Variants in ANKRD46 observed in about 807,000 individuals in gnomAD.
ANKRD46 encodes ankyrin repeat domain 46.
A neutral mutation model predicts 19.8 loss-of-function variants in ANKRD46; 13 were observed. That is an observed-to-expected ratio of 0.66 (90% CI 0.43 to 1.04). The LOEUF (loss-of-function observed/expected upper bound fraction) is 1.04. ANKRD46 is among the 50% of genes least tolerant of loss of function. The pLI, the probability that ANKRD46 is intolerant of heterozygous loss-of-function variation, is 0.00. For missense variants in ANKRD46, 185 were observed against 274.8 expected (o/e 0.67, Z 2.31); for synonymous variants, 91 against 106.9 (o/e 0.85, Z 0.92).
At chr8:100,528,534 T>TTA (rs1811890371) in intron 3 of ANKRD46, among the ~76,000 whole-genome samples, 1 of 150,660 alleles carries the variant, frequency 6.6e-6, no homozygotes, top group South Asian at 2.1e-4. Context: ...TTTTTTTTTT[T>TTA]ACTTCCAGGG....
intron 1 of ANKRD46, chr8:100,551,827 G>A (rs1225997625): frequency 7.8e-6 from 3 of 385,626 alleles, no homozygotes; most frequent in Non-Finnish European, 1.5e-5. Flanking sequence ...GTGTATTTTG[G>A]ATAACAGTCT....
rs1241927093 is a variant in ANKRD46 at position 100,551,736 on chromosome 8, G to GAGA, written c.-131+7972_-131+7974dup. Reference sequence around the variant, plus strand: ...CATGATGTCTTAGAGACATGGCTTTGAGAAGAGGATGGTCAGCACTGAGTG... The same window carrying GAGA: ...CATGATGTCTTAGAGACATGGCTTTGAGAAGAAGAGGATGGTCAGCACTGAGTG... On this transcript the variant is annotated intron_variant, in intron 1 of 4. Transcript: ENST00000335659. 5 of 569,992 alleles carry GAGA rather than the reference G, an allele frequency of 8.8e-6. No homozygotes were observed. The East Asian group carries it at 1.9e-4, about 22-fold the overall frequency. 35.3% of individuals were successfully genotyped at this position (569,992 alleles called of 1,614,324 possible).
In ANKRD46 at chr8:100,521,086, TC is replaced by T. The variant is rs1369379470; in HGVS notation, c.*1468del. On this transcript the variant is annotated 3_prime_UTR_variant, in exon 5 of 5. Coordinates refer to ENST00000335659, the MANE Select transcript of ANKRD46 (RefSeq NM_001270377.2). ...CTAAAAGCAAGACTCTGCAAGCTGA[TC>T]CTGAAGCAGCCAGTTACTCAGGAAT... 1 of 985,028 alleles carries T rather than the reference TC, an allele frequency of 1.0e-6. No homozygotes were observed. Among genetic ancestry groups the T allele is most frequent in the Non-Finnish European group, 1.2e-6 (1 of 829,910 alleles). The allele number at this position is 985,028 out of a possible 1,614,324, so 61.0% of individuals were successfully genotyped here.
Position 100,534,703 on chromosome 8 carries a change from A to G in ANKRD46, c.-130-1392T>C, listed in dbSNP as rs1217040036. On this transcript the variant is annotated intron_variant, in intron 1 of 4. Transcript: ENST00000335659. This position sits in a 1 kb window ranked among gnomAD's most constrained non-coding sequence, Gnocchi z 4.2. ...ATCTAGAGATGGAATTATAGTTCAT[A>G]TGGTCATGCCCCCAAATAATCCTAA... Among the ~76,000 whole-genome samples the G allele has an allele frequency of 6.6e-6, 1 of 152,248 alleles. No individual in the cohort carries two copies. The highest frequency in any genetic ancestry group is 3.2e-3 in the Middle Eastern group (1 of 316).
chr8:100,523,156 C>G (rs868396890), intron 4 of ANKRD46, among the ~76,000 whole-genome samples: 1 of 80,684 alleles, frequency 1.2e-5, no homozygotes, highest in Non-Finnish European at 2.7e-5. Context: ...AGCGAGACAC[C>G]ATCTCTATTT....
chr8:100,535,870 T>G (rs1258034025), intron 1 of ANKRD46, among the ~76,000 whole-genome samples: 3 of 152,248 alleles, frequency 2.0e-5, no homozygotes. Flanking sequence ...TTTGTTTGTA[T>G]GTGACTGTAA....
chr8:100,556,395 A>G (rs1812501152), intron 1 of ANKRD46, among the ~76,000 whole-genome samples: 1 of 152,222 alleles, frequency 6.6e-6, no homozygotes, highest in South Asian at 2.1e-4. Flanking sequence ...AAAGTTAAGT[A>G]TACATTATTA....
At chr8:100,552,107 G>A (rs1208038375) in intron 1 of ANKRD46, among the ~76,000 whole-genome samples, 3 of 145,448 alleles carry the variant, frequency 2.1e-5, no homozygotes, top group African/African-American at 5.2e-5. Flanking sequence ...CCAAGATCGC[G>A]CCACTGCACT....
chr8:100,544,757 C>T lies in ANKRD46; in HGVS notation c.-130-11446G>A, dbSNP rs943338573. On this transcript the variant is annotated intron_variant, in intron 1 of 4. Coordinates refer to ENST00000335659, the MANE Select transcript of ANKRD46 (RefSeq NM_001270377.2). The surrounding 1 kb of genome is among the most constrained non-coding windows in gnomAD (Gnocchi z 4.4). ...ATATTTTTGTACAGAACTTTGAAAA[C>T]TATAATGAAATATACAAATATAAGA... 2.0e-5 allele frequency among the ~76,000 whole-genome samples: 3 copies of T among 152,108 alleles called. No individual in the cohort carries two copies. The highest frequency in any genetic ancestry group is 4.4e-5 in the Non-Finnish European group (3 of 68,018).
rs1312996718 is a variant in ANKRD46 at position 100,529,420 on chromosome 8, A to G, written c.311+103T>C. On this transcript the variant is annotated intron_variant, in intron 3 of 4. Coordinates refer to ENST00000335659, the MANE Select transcript of ANKRD46 (RefSeq NM_001270377.2). This position sits in a 1 kb window ranked among gnomAD's most constrained non-coding sequence, Gnocchi z 5.8. The stretch of plus-strand genomic sequence containing the variant: ...TTCAATGCTTTCTGAACTTATTTCA[A>G]CTGATTAATGAGGAAACAAAACCAA... The G allele has an allele frequency of 4.9e-6, 6 of 1,217,504 alleles. No homozygotes were observed. Among genetic ancestry groups the G allele is most frequent in the Non-Finnish European group, 6.8e-6 (6 of 881,944 alleles). The allele number at this position is 1,217,504 out of a possible 1,614,324, so 75.4% of individuals were successfully genotyped here.
chr8:100,552,446 T>C (rs1489059263), intron 1 of ANKRD46, among the ~76,000 whole-genome samples: 1 of 152,078 alleles, frequency 6.6e-6, no homozygotes, highest in Non-Finnish European at 1.5e-5. Flanking sequence ...TTATTTTGAC[T>C]GAAAATCAAC....
In ANKRD46 at chr8:100,538,931, T is replaced by C. The variant is rs575199696; in HGVS notation, c.-130-5620A>G. Among the ~76,000 whole-genome samples the C allele has an allele frequency of 2.0e-5, 3 of 152,340 alleles. No individual in the cohort carries two copies. The East Asian group carries it at 5.8e-4, about 29-fold the overall frequency. ...TGTACCATAATTTTACTGAATTCCTTAGCACATTAAAAAAGAATTTGTCCT... is the reference window on the plus strand; with the variant it reads ...TGTACCATAATTTTACTGAATTCCTCAGCACATTAAAAAAGAATTTGTCCT... On this transcript the variant is annotated intron_variant, in intron 1 of 4. Coordinates refer to ENST00000335659, the MANE Select transcript of ANKRD46 (RefSeq NM_001270377.2).
At chr8:100,520,708 T>C (rs1369413215), downstream of ANKRD46, 1 of 778,560 alleles carries the variant, frequency 1.3e-6, no homozygotes, top group Non-Finnish European at 1.5e-6. Context: ...TTGCAATCCA[T>C]TACAAAATCC....
chr8:100,551,616 T>C, intron 1 of ANKRD46: 1 of 734,038 alleles, frequency 1.4e-6, no homozygotes, highest in Non-Finnish European at 2.4e-6. Context: ...GGGTCATTGA[T>C]GGTGACAATA....
At position 100,545,534 on chromosome 8, in the gene ANKRD46, T is replaced by C. The variant is rs928888819; in HGVS notation, c.-130-12223A>G. 1.3e-5 allele frequency among the ~76,000 whole-genome samples: 2 copies of C among 152,234 alleles called. No homozygotes were observed. Among genetic ancestry groups the C allele is most frequent in the African/African-American group, 2.4e-5 (1 of 41,460 alleles). On this transcript the variant is annotated intron_variant, in intron 1 of 4. Coordinates refer to ENST00000335659, the MANE Select transcript of ANKRD46 (RefSeq NM_001270377.2). This position sits in a 1 kb window ranked among gnomAD's most constrained non-coding sequence, Gnocchi z 4.7. ...CAGCCATGTGGAACTGTGTATCAAT[T>C]AAACCTTTTGTTTATAAATTACCCA...
intron 5 of ANKRD46, among the ~76,000 whole-genome samples, chr8:100,514,041 G>A (rs190206118): frequency 6.6e-6 from 1 of 152,280 alleles, no homozygotes; most frequent in Non-Finnish European, 1.5e-5. Flanking sequence ...AACTTTTATT[G>A]TGGCAGAGAA....
chr8:100,515,880 T>G (rs7831083), downstream of ANKRD46, among the ~76,000 whole-genome samples: 1,125 of 151,970 alleles, frequency 7.4e-3, 18 homozygotes, highest in African/African-American at 0.026. Flanking sequence ...TTTTGTTTTT[T>G]TTTTTTTTGA....
chr8:100,514,353 C>A (rs535305341), intron 5 of ANKRD46, among the ~76,000 whole-genome samples: 2 of 152,002 alleles, frequency 1.3e-5, no homozygotes, highest in Admixed American at 1.3e-4. Context: ...ATGATTCCAG[C>A]AAATATTTAT....
Position 100,525,566 on chromosome 8 carries a change from G to A in ANKRD46, c.470+2279C>T, listed in dbSNP as rs1384774114. ...CATGTTTTCAAAATTTATCCATGCT[G>A]TAGCATGTATCAGTATAATATAATA... On this transcript the variant is annotated intron_variant, in intron 4 of 4. Coordinates refer to ENST00000335659, the MANE Select transcript of ANKRD46 (RefSeq NM_001270377.2). This position sits in a 1 kb window ranked among gnomAD's most constrained non-coding sequence, Gnocchi z 4.4. 2.6e-5 allele frequency among the ~76,000 whole-genome samples: 4 copies of A among 152,166 alleles called. No homozygotes were observed. Among genetic ancestry groups the A allele is most frequent in the African/African-American group, 9.7e-5 (4 of 41,438 alleles).
Sources: allele counts gnomAD v4.1 joint callset (sites outside exome capture counted in the v4.1 genomes callset), GRCh38; gene constraint gnomAD v4.1.1; non-coding constraint Gnocchi (gnomAD v3.1); transcripts MANE v1.5; gene names NCBI Gene and HGNC (gene_info 2026-07-23, HGNC 2026-07-21).